Variants in IKZF5 observed in about 807,000 individuals in gnomAD.
IKZF5 encodes zinc finger protein Pegasus.
A neutral mutation model predicts 30.7 loss-of-function variants in IKZF5; 4 were observed. That is an observed-to-expected ratio of 0.13 (90% CI 0.06 to 0.30). IKZF5 has a LOEUF of 0.30. Among genes scored for constraint, IKZF5 ranks in the 10% least tolerant of loss-of-function variants. The probability of loss-of-function intolerance (pLI) is 1.00; values close to 1 mark genes in which losing one functional copy is unlikely to be tolerated. For synonymous variants in IKZF5, 148 were observed against 179.6 expected, an observed-to-expected ratio of 0.82 and a Z score of 1.41; for missense variants, 348 against 525.5, an observed-to-expected ratio of 0.66 and a Z score of 3.30.
At chr10:122,995,949 C>T (rs1849353068) in intron 4 of IKZF5, 45 bp downstream of exon 4, 1 of 1,596,900 alleles carries the variant, frequency 6.3e-7, no homozygotes, top group South Asian at 1.1e-5. Flanking sequence ...CTTGGCCCCT[C>T]TCCTGCCCTC....
intron 4 of IKZF5, among the ~76,000 whole-genome samples, chr10:122,995,141 GAAAA>G (rs34133849): frequency 6.6e-6 from 1 of 151,288 alleles, no homozygotes; most frequent in East Asian, 2.0e-4. Flanking sequence ...TTTGCTCACA[GAAAA>G]AAAAATACAA....
chr10:122,994,014 G>A lies in IKZF5; in HGVS notation c.1026C>T (p.Ser342=), dbSNP rs1223653487. 6.2e-7 allele frequency: 1 copy of A among 1,613,994 alleles called. No homozygotes were observed. Among genetic ancestry groups the A allele is most frequent in the South Asian group, 1.1e-5 (1 of 91,086 alleles). ...SEPSAHTSTP[S]IGNSQPSTPA... Reference sequence around the variant, plus strand: ...GGGTGCTTGGCTGGCTGTTTCCTATGCTGGGAGTGCTCGTGTGGGCACTTG... The same window carrying A: ...GGGTGCTTGGCTGGCTGTTTCCTATACTGGGAGTGCTCGTGTGGGCACTTG... The change falls in exon 5 of 5, where the codon AGC becomes AGT. Residue 342 remains serine, a synonymous_variant. Transcript: ENST00000368886. The surrounding 1 kb of genome is among the most constrained non-coding windows in gnomAD (Gnocchi z 5.6).
At chr10:123,000,892 T>C (rs1217800058) in intron 2 of IKZF5, among the ~76,000 whole-genome samples, 1 of 152,210 alleles carries the variant, frequency 6.6e-6, no homozygotes, top group Non-Finnish European at 1.5e-5. Flanking sequence ...TTTGCTTATT[T>C]TTCTATTGTG....
intron 2 of IKZF5, among the ~76,000 whole-genome samples, chr10:123,001,134 T>C (rs1348641950): frequency 6.6e-6 from 1 of 151,888 alleles, no homozygotes; most frequent in Non-Finnish European, 1.5e-5. Context: ...GCCTCCCGAG[T>C]AGCTGGGACT....
intron 4 of IKZF5, among the ~76,000 whole-genome samples, chr10:122,995,730 G>A (rs1849344432): frequency 6.6e-6 from 1 of 152,148 alleles, no homozygotes; most frequent in Non-Finnish European, 1.5e-5. Flanking sequence ...CAATCTGAGA[G>A]GCAGGCAGAT....
rs933690628 is a variant in IKZF5, at chr10:122,992,108, A to T, written c.*1672T>A. ...AATGTAACAGAATTGTAGAATTTTA[A>T]AGTACAAGATTTGACAAAGAAGAGA... On this transcript the variant is annotated 3_prime_UTR_variant, in exon 5 of 5. Transcript: ENST00000368886. 12 of 152,248 alleles carry T rather than the reference A, an allele frequency of 7.9e-5. No homozygotes were observed. Among genetic ancestry groups the T allele is most frequent in the African/African-American group, 2.9e-4 (12 of 41,476 alleles). The allele number at this position is 152,248 out of a possible 1,614,324, so 9.4% of individuals were successfully genotyped here. A position where few individuals can be genotyped will look rare whatever the true frequency, so the allele number is the denominator to read the frequency against.
In IKZF5 at chr10:122,998,709, A is replaced by C. The variant is rs1258834160; in HGVS notation, c.-46-38T>G. 7 of 1,170,826 alleles carry C rather than the reference A, an allele frequency of 6.0e-6. No individual in the cohort carries two copies. In the East Asian group the frequency reaches 1.4e-4, roughly 24 times the overall value. 72.5% of individuals were successfully genotyped at this position (1,170,826 alleles called of 1,614,324 possible). A position where few individuals can be genotyped will look rare whatever the true frequency, so the allele number is the denominator to read the frequency against. On this transcript the variant is annotated intron_variant, in intron 2 of 4. Transcript: ENST00000368886. ...TACACTATTTAGGGAGATCTAGTAC[A>C]TAGCAAACAAATGACAAAAGCTATT...
intron 2 of IKZF5, among the ~76,000 whole-genome samples, chr10:123,005,635 G>A (rs900598953): frequency 6.6e-6 from 1 of 152,112 alleles, no homozygotes; most frequent in Admixed American, 6.5e-5. Flanking sequence ...CCAATTTGAT[G>A]GCATCTGGAG....
intron 3 of IKZF5, chr10:122,998,231 T>C (rs952081777): frequency 3.3e-6 from 1 of 303,254 alleles, no homozygotes. Context: ...TGTCTAATGG[T>C]AGCTCATAAA....
intron 2 of IKZF5, among the ~76,000 whole-genome samples, chr10:123,002,536 T>G (rs923654105): frequency 4.0e-5 from 5 of 126,418 alleles, no homozygotes; most frequent in Non-Finnish European, 8.4e-5. Flanking sequence ...AAAAAAAAAA[T>G]TATTAGTGCC....
intron 2 of IKZF5, 116 bp downstream of exon 2, chr10:123,006,910 T>C (rs559765674): frequency 6.6e-6 from 1 of 152,224 alleles, no homozygotes; most frequent in African/African-American, 2.4e-5. Flanking sequence ...TCAAAAACTC[T>C]TGAAGGCAAA....
rs1173213611 is a variant in IKZF5, at chr10:122,991,257, C to T, written c.*2523G>A. 1.3e-5 allele frequency: 2 copies of T among 152,184 alleles called. No individual in the cohort carries two copies. Among genetic ancestry groups the T allele is most frequent in the East Asian group, 3.9e-4 (2 of 5,180 alleles). 9.4% of individuals were successfully genotyped at this position (152,184 alleles called of 1,614,324 possible). Reference sequence around the variant, plus strand: ...AAATGTCTAGCCTTAACTTGAAGTTCAAGAAGTTGTAGCTACATACTACAT... The same window carrying T: ...AAATGTCTAGCCTTAACTTGAAGTTTAAGAAGTTGTAGCTACATACTACAT... On this transcript the variant is annotated 3_prime_UTR_variant, in exon 5 of 5. Coordinates refer to ENST00000368886, the MANE Select transcript of IKZF5 (RefSeq NM_001372123.1).
rs1237025380 is a variant in IKZF5 at position 122,992,430 on chromosome 10, CAGAAA to C, written c.*1345_*1349del. 8 of 152,086 alleles carry C rather than the reference CAGAAA, an allele frequency of 5.3e-5. No homozygotes were observed. Among genetic ancestry groups the C allele is most frequent in the African/African-American group, 1.2e-4 (5 of 41,416 alleles). The allele number at this position is 152,086 out of a possible 1,614,324, so 9.4% of individuals were successfully genotyped here. A position where few individuals can be genotyped will look rare whatever the true frequency, so the allele number is the denominator to read the frequency against. On this transcript the variant is annotated 3_prime_UTR_variant, in exon 5 of 5. Coordinates refer to ENST00000368886, the MANE Select transcript of IKZF5 (RefSeq NM_001372123.1). Reference sequence around the variant, plus strand: ...AAAAATAGAATTTTTGCAAAGTACACAGAAAAGAAACCAAGTTAGTAACAATGTAT... The same window carrying C: ...AAAAATAGAATTTTTGCAAAGTACACAGAAACCAAGTTAGTAACAATGTAT...
intron 2 of IKZF5, among the ~76,000 whole-genome samples, chr10:123,003,605 G>A (rs187002815): frequency 7.9e-5 from 12 of 152,260 alleles, no homozygotes; most frequent in African/African-American, 2.9e-4. Flanking sequence ...TATCACATAT[G>A]GTAGGCTATC....
intron 2 of IKZF5, among the ~76,000 whole-genome samples, chr10:123,002,178 T>C (rs1266761730): frequency 6.6e-6 from 1 of 152,348 alleles, no homozygotes; most frequent in African/African-American, 2.4e-5. Flanking sequence ...TTGTGAATCG[T>C]TCCTTTCCTC....
intron 2 of IKZF5, among the ~76,000 whole-genome samples, chr10:123,002,999 G>C (rs1405059656): frequency 9.9e-5 from 15 of 151,576 alleles, no homozygotes. Flanking sequence ...ATGGATGGTT[G>C]CATCTATATT....
At chr10:122,996,945 A>G (rs1849395172) in intron 3 of IKZF5, among the ~76,000 whole-genome samples, 1 of 152,182 alleles carries the variant, frequency 6.6e-6, no homozygotes, top group Admixed American at 6.5e-5. Context: ...TCCACATCCC[A>G]GTGTTTATAT....
At chr10:123,000,609 T>C (rs1330864024) in intron 2 of IKZF5, among the ~76,000 whole-genome samples, 1 of 152,230 alleles carries the variant, frequency 6.6e-6, no homozygotes, top group Non-Finnish European at 1.5e-5. Context: ...AAGGCATGCA[T>C]ATATTCAGTT....
Position 122,994,401 on chromosome 10 carries a change from G to A in IKZF5, c.639C>T (p.Asn213=), listed in dbSNP as rs963292100. The part of the protein sequence containing the change: ...SMVVQKPDYL[N]DFTHEIPNIQ... ...TATTTGGGATTTCGTGGGTAAAATC[G>A]TTAAGGTAGTCTGGTTTCTGAACCA... Residue 213 remains asparagine, a synonymous_variant, in exon 5 of 5, where the codon AAC becomes AAT. Coordinates refer to ENST00000368886, the MANE Select transcript of IKZF5 (RefSeq NM_001372123.1). The surrounding 1 kb of genome is among the most constrained non-coding windows in gnomAD (Gnocchi z 5.6). 1.2e-6 allele frequency: 2 copies of A among 1,614,090 alleles called. No homozygotes were observed. The highest frequency in any genetic ancestry group is 2.2e-5 in the South Asian group (2 of 91,074).
Sources: gnomAD v4.1 joint callset for allele counts (sites outside exome capture counted in the v4.1 genomes callset) on GRCh38, gnomAD v4.1.1 for gene constraint, Gnocchi (gnomAD v3.1) non-coding constraint, MANE v1.5 for transcripts, NCBI Gene and HGNC (gene_info 2026-07-23, HGNC 2026-07-21) for gene names.